Variants in SPPL3 observed in about 807,000 individuals in gnomAD.
SPPL3 encodes the protein signal peptide peptidase like 3, also known as signal peptide peptidase-like 3.
In SPPL3, 5 loss-of-function variants were observed where a neutral mutation model predicts 42.4. The ratio of observed to expected loss-of-function variants is 0.12; its 90% CI spans 0.06 to 0.25. The LOEUF (loss-of-function observed/expected upper bound fraction) is 0.25, where lower values mean the gene tolerates loss of function less well. Ranked by LOEUF, SPPL3 falls within the 10% of genes least tolerant of loss-of-function variation. The pLI, the probability that SPPL3 is intolerant of heterozygous loss-of-function variation, is 1.00. For synonymous variants in SPPL3, 195 were observed against 181.8 expected (o/e 1.07, Z -0.58); for missense variants, 235 against 489.0 (o/e 0.48, Z 4.90).
intron 1 of SPPL3, among the ~76,000 whole-genome samples, chr12:120,819,072 T>C (rs1271591548): frequency 2.0e-5 from 3 of 152,216 alleles, no homozygotes; most frequent in Non-Finnish European, 4.4e-5. Context: ...AATCCAGCTT[T>C]ACACAGATGG....
intron 3 of SPPL3, among the ~76,000 whole-genome samples, chr12:120,788,004 T>C (rs900373677): frequency 2.0e-5 from 3 of 152,238 alleles, no homozygotes; most frequent in African/African-American, 7.2e-5. Flanking sequence ...CACATGTGAC[T>C]GTATTTGCTG....
intron 1 of SPPL3, among the ~76,000 whole-genome samples, chr12:120,871,846 G>A (rs985276857): frequency 6.6e-6 from 1 of 152,140 alleles, no homozygotes; most frequent in African/African-American, 2.4e-5. Context: ...ACTTATAATA[G>A]CTAATACAAT....
intron 6 of SPPL3, among the ~76,000 whole-genome samples, chr12:120,781,718 T>G (rs1869554056): frequency 6.6e-6 from 1 of 151,596 alleles, no homozygotes; most frequent in South Asian, 2.1e-4. Context: ...TAGCTGGGAC[T>G]ACAGGTGCCT....
chr12:120,869,428 C>A (rs1190268662), intron 1 of SPPL3, among the ~76,000 whole-genome samples: 2 of 152,204 alleles, frequency 1.3e-5, no homozygotes, highest in African/African-American at 4.8e-5. Context: ...GAGCTTCAAA[C>A]ACCATATGAG....
chr12:120,766,648 T>A (rs1868920184), intron 9 of SPPL3, among the ~76,000 whole-genome samples: 1 of 147,232 alleles, frequency 6.8e-6, no homozygotes, highest in African/African-American at 2.4e-5. Flanking sequence ...TGCCTCTGTC[T>A]CCTGTGATGC....
intron 2 of SPPL3, 38 bp from the exon 3 acceptor site, chr12:120,791,595 C>T (rs1302191988): frequency 7.0e-7 from 1 of 1,425,312 alleles, no homozygotes; most frequent in Non-Finnish European, 9.7e-7. Context: ...TGTAGTTTTG[C>T]TTACAAAAGA....
intron 1 of SPPL3, among the ~76,000 whole-genome samples, chr12:120,901,064 T>A (rs1253590883): frequency 6.6e-6 from 1 of 152,142 alleles, no homozygotes; most frequent in Non-Finnish European, 1.5e-5. Context: ...ATATTTATAT[T>A]TCAATAAGAA....
At chr12:120,839,610 A>C (rs1871739946) in intron 1 of SPPL3, among the ~76,000 whole-genome samples, 1 of 152,222 alleles carries the variant, frequency 6.6e-6, no homozygotes, top group Non-Finnish European at 1.5e-5. Context: ...TAGCATACTA[A>C]AATTCCTAAC....
chr12:120,830,608 G>GA (rs1871397093), intron 1 of SPPL3, among the ~76,000 whole-genome samples: 1 of 61,828 alleles, frequency 1.6e-5, no homozygotes, highest in Non-Finnish European at 3.4e-5. Context: ...AGAGAGAGAA[G>GA]GTGTACATGC....
Position 120,822,059 on chromosome 12 carries a change from A to G in SPPL3, c.24-11173T>C, listed in dbSNP as rs560830508. Reference sequence around the variant, plus strand: ...ACCTAGATTAGGCAAATTCATAGAAAAAGAAAGCAGAATAGCGGATACCAG... The same window carrying G: ...ACCTAGATTAGGCAAATTCATAGAAGAAGAAAGCAGAATAGCGGATACCAG... On this transcript the variant is annotated intron_variant, in intron 1 of 10. Transcript: ENST00000353487. 4.6e-5 allele frequency among the ~76,000 whole-genome samples: 7 copies of G among 152,358 alleles called. No individual in the cohort carries two copies. The South Asian group carries it at 1.4e-3, about 32-fold the overall frequency.
At chr12:120,795,601 C>T (rs1870071039) in intron 2 of SPPL3, among the ~76,000 whole-genome samples, 1 of 152,240 alleles carries the variant, frequency 6.6e-6, no homozygotes, top group African/African-American at 2.4e-5. Context: ...ATCTTTTCTC[C>T]TCTGTACCTA....
intron 1 of SPPL3, among the ~76,000 whole-genome samples, chr12:120,891,029 T>C (rs1873623853): frequency 6.6e-6 from 1 of 152,220 alleles, no homozygotes; most frequent in Non-Finnish European, 1.5e-5. Flanking sequence ...TGCTACACAA[T>C]GACTCTGGTT....
Position 120,782,740 on chromosome 12 carries a change from G to A in SPPL3, c.417C>T (p.Phe139=). 6.2e-7 allele frequency: 1 copy of A among 1,608,682 alleles called. No individual in the cohort carries two copies. The highest frequency in any genetic ancestry group is 8.5e-7 in the Non-Finnish European group (1 of 1,177,026). Residue 139 remains phenylalanine, a synonymous_variant, in exon 6 of 11, where the codon TTC becomes TTT. Coordinates refer to ENST00000353487, the MANE Select transcript of SPPL3 (RefSeq NM_139015.5). Reference sequence around the variant, plus strand: ...AGAATGACAGCAACTCAGCAGCAGTGAAACGTCCACAGCAACCAAAGGAAA... The same window carrying A: ...AGAATGACAGCAACTCAGCAGCAGTAAAACGTCCACAGCAACCAAAGGAAA... ...NKISFGCCGR[F]TAAELLSFSL... is the part of the protein sequence containing the mutation.
intron 1 of SPPL3, among the ~76,000 whole-genome samples, chr12:120,859,202 T>C (rs1872554479): frequency 1.3e-5 from 2 of 152,128 alleles, no homozygotes; most frequent in Admixed American, 1.3e-4. Flanking sequence ...TCAGAATATT[T>C]GTATTATACT....
chr12:120,782,038 G>T (rs1279771806), intron 6 of SPPL3, among the ~76,000 whole-genome samples: 1 of 151,836 alleles, frequency 6.6e-6, no homozygotes, highest in African/African-American at 2.4e-5. Flanking sequence ...ATGCCCAGAT[G>T]ATTTTTATTT....
intron 1 of SPPL3, among the ~76,000 whole-genome samples, chr12:120,830,580 GGAGA>G (rs151140429): frequency 4.1e-4 from 3 of 7,306 alleles, no homozygotes; most frequent in Admixed American, 4.7e-3. Context: ...AGGGGGGGAA[GGAGA>G]GAGAGAGAGA....
chr12:120,838,978 T>C (rs1192723041), intron 1 of SPPL3, among the ~76,000 whole-genome samples: 1 of 152,084 alleles, frequency 6.6e-6, no homozygotes, highest in African/African-American at 2.4e-5. Context: ...GAACTAGAAA[T>C]ACCATTTGAC....
At chr12:120,792,721 T>G (rs1018536599) in intron 2 of SPPL3, among the ~76,000 whole-genome samples, 4 of 140,992 alleles carry the variant, frequency 2.8e-5, no homozygotes, top group African/African-American at 8.2e-5. Flanking sequence ...AAAAAAAAAG[T>G]TGTTTTTTTG....
chr12:120,883,030 CGTGGT>C (rs1566068953), intron 1 of SPPL3, among the ~76,000 whole-genome samples: 1 of 152,012 alleles, frequency 6.6e-6, no homozygotes, highest in Non-Finnish European at 1.5e-5. Context: ...AGAGGCCGGG[CGTGGT>C]GGCTCACAAC....
Sources: allele counts gnomAD v4.1 joint callset (sites outside exome capture counted in the v4.1 genomes callset), GRCh38; gene constraint gnomAD v4.1.1; transcripts MANE v1.5; gene names NCBI Gene and HGNC (gene_info 2026-07-23, HGNC 2026-07-21).